The following MTM1 variants were observed in gnomAD, a reference collection of about 807,000 sequenced individuals.
MTM1 encodes myotubularin 1, also known as myotubularin.
In MTM1, 9 loss-of-function variants were observed where a neutral mutation model predicts 52.1. The ratio of observed to expected loss-of-function variants is 0.17; its 90% CI spans 0.10 to 0.30. The LOEUF (loss-of-function observed/expected upper bound fraction) is 0.30, where lower values mean the gene tolerates loss of function less well. Ranked by LOEUF, MTM1 falls within the 10% of genes least tolerant of loss-of-function variation. The pLI, the probability that MTM1 is intolerant of heterozygous loss-of-function variation, is 1.00. For missense variants in MTM1, 277 were observed against 470.7 expected (o/e 0.59, Z 3.81); for synonymous variants, 136 against 163.8 (o/e 0.83, Z 1.29).
intron 10 of MTM1, among the ~76,000 whole-genome samples, chrX:150,653,572 C>A (rs1443500945): frequency 2.7e-5 from 3 of 112,332 alleles, no homozygotes; most frequent in Non-Finnish European, 5.6e-5. Flanking sequence ...TATCTTATAG[C>A]CCTGGGTCTG....
rs782234944 is a variant in MTM1, at chrX:150,660,398, C to A, written c.1381C>A (p.Gln461Lys). ...CCCTACAGCTTTTGAATTCAATGAA[C>A]AATTTTTGATTATAATTTTGGATCA... is the stretch of plus-strand genomic sequence containing the variant. The part of the protein sequence containing the change: ...QFPTAFEFNE[Q>K]FLIIILDHLY... The change falls in exon 13 of 15, where the codon CAA (glutamine) becomes AAA (lysine). Residue 461 changes from glutamine (Q) to lysine (K), a missense_variant. This residue lies in a region of MTM1 where 59 missense variants were observed against 107.8 expected (regional missense o/e 0.55). Coordinates refer to ENST00000370396, the MANE Select transcript of MTM1 (RefSeq NM_000252.3). 1 of 1,197,854 alleles carries A rather than the reference C, an allele frequency of 8.3e-7. No homozygotes were observed. The highest frequency in any genetic ancestry group is 3.0e-5 in the East Asian group (1 of 33,774).
Position 150,576,318 on chromosome X carries a change from C to CT in MTM1, c.-11+7657dup, listed in dbSNP as rs1226251380. On this transcript the variant is annotated intron_variant, in intron 1 of 14. Coordinates refer to ENST00000370396, the MANE Select transcript of MTM1 (RefSeq NM_000252.3). ...TGCTAGAACTTGCACATGGAGCTGC[C>CT]TGGGGCCTGGAAGATTATAAACTAC... 3.6e-5 allele frequency among the ~76,000 whole-genome samples: 4 copies of CT among 111,386 alleles called. No homozygotes were observed. The Admixed American group carries it at 3.8e-4, about 11-fold the overall frequency.
chrX:150,654,009 T>C (rs1374531219), intron 10 of MTM1, among the ~76,000 whole-genome samples: 3 of 111,505 alleles, frequency 2.7e-5, no homozygotes, highest in African/African-American at 9.8e-5. Flanking sequence ...GCACGAGATA[T>C]CAAAAGTGGA....
intron 1 of MTM1, among the ~76,000 whole-genome samples, chrX:150,585,250 C>T (rs1877560907): frequency 9.0e-6 from 1 of 111,571 alleles, no homozygotes; most frequent in African/African-American, 3.3e-5. Flanking sequence ...TTATCTCCAA[C>T]CTTTTCTCCT....
chrX:150,670,464 G>A (rs1412110098), intron 14 of MTM1, among the ~76,000 whole-genome samples: 2 of 112,491 alleles, frequency 1.8e-5, no homozygotes, highest in Non-Finnish European at 3.8e-5. Context: ...GCGGAGCATT[G>A]CAGAGCCGCT....
intron 4 of MTM1, among the ~76,000 whole-genome samples, chrX:150,613,894 G>A (rs782464886): frequency 3.6e-5 from 4 of 112,286 alleles, no homozygotes; most frequent in Non-Finnish European, 7.5e-5. Context: ...GCCTTGCTGT[G>A]CATTAAGGCC....
intron 4 of MTM1, 76 bp from the exon 5 acceptor site, chrX:150,614,513 G>A: frequency 4.9e-6 from 3 of 613,045 alleles, no homozygotes; most frequent in Non-Finnish European, 5.4e-6. Flanking sequence ...GAAAGCATAT[G>A]GTTGTTTTTA....
At chrX:150,627,042 A>G (rs2039580988) in intron 6 of MTM1, among the ~76,000 whole-genome samples, 1 of 111,274 alleles carries the variant, frequency 9.0e-6, no homozygotes, top group Non-Finnish European at 1.9e-5. Flanking sequence ...GTCCTCTGGA[A>G]CTGACATTTC....
chrX:150,658,851 T>A (rs1284018451), intron 11 of MTM1, among the ~76,000 whole-genome samples: 1 of 111,607 alleles, frequency 9.0e-6, no homozygotes, highest in Non-Finnish European at 1.9e-5. Context: ...GCTTGTTTGT[T>A]TGTTTGTTTG....
chrX:150,574,393 T>G (rs1003852994), intron 1 of MTM1, among the ~76,000 whole-genome samples: 1 of 110,961 alleles, frequency 9.0e-6, no homozygotes, highest in Non-Finnish European at 1.9e-5. Flanking sequence ...TGAATGTGAA[T>G]TTTAATGAGG....
intron 5 of MTM1, among the ~76,000 whole-genome samples, chrX:150,616,092 C>A (rs1292901010): frequency 9.0e-6 from 1 of 111,244 alleles, no homozygotes; most frequent in Non-Finnish European, 1.9e-5. Context: ...CTATTTTCTG[C>A]CTTATAATAG....
chrX:150,617,804 C>T (rs1557413174), intron 5 of MTM1, among the ~76,000 whole-genome samples: 2 of 111,601 alleles, frequency 1.8e-5, no homozygotes, highest in Non-Finnish European at 3.8e-5. Context: ...AGGTCTGTAC[C>T]GCTCCTGAAG....
At chrX:150,636,523 G>A (rs182437660) in intron 6 of MTM1, among the ~76,000 whole-genome samples, 125 of 112,119 alleles carry the variant, frequency 1.1e-3, no homozygotes, top group African/African-American at 3.6e-3. Context: ...TGGAAGGAAA[G>A]CTTTATCTGG....
chrX:150,589,493 TA>T (rs1344025951), intron 1 of MTM1, among the ~76,000 whole-genome samples: 1 of 111,924 alleles, frequency 8.9e-6, no homozygotes, highest in African/African-American at 3.2e-5. Flanking sequence ...ATAAAAAGGA[TA>T]AAAAAACTTG....
intron 14 of MTM1, among the ~76,000 whole-genome samples, chrX:150,671,129 C>T (rs1410087388): frequency 7.2e-5 from 8 of 111,219 alleles, no homozygotes; most frequent in Admixed American, 6.7e-4. Flanking sequence ...GGACGGGCAA[C>T]ACGGGAGACT....
At chrX:150,585,324 C>T (rs781789401) in intron 1 of MTM1, among the ~76,000 whole-genome samples, 1 of 111,709 alleles carries the variant, frequency 9.0e-6, no homozygotes, top group African/African-American at 3.3e-5. Context: ...CCCTCCTCCA[C>T]TACTGATTCT....
chrX:150,601,425 C>T (rs1451124610), intron 4 of MTM1, among the ~76,000 whole-genome samples: 1 of 112,211 alleles, frequency 8.9e-6, no homozygotes, highest in Non-Finnish European at 1.9e-5. Flanking sequence ...GATTCTGCTG[C>T]AAACTGAAAA....
chrX:150,605,262 T>G (rs1205326761), intron 4 of MTM1, among the ~76,000 whole-genome samples: 1 of 111,830 alleles, frequency 8.9e-6, no homozygotes, highest in Non-Finnish European at 1.9e-5. Flanking sequence ...ATAGGAAATG[T>G]GGAGGAAGCT....
chrX:150,583,459 A>T (rs868922876), intron 1 of MTM1, among the ~76,000 whole-genome samples: 14 of 27,046 alleles, frequency 5.2e-4, no homozygotes, highest in Non-Finnish European at 8.2e-4. Flanking sequence ...ATTATATATA[A>T]TTATAAATAT....
Sources: allele counts gnomAD v4.1 joint callset (sites outside exome capture counted in the v4.1 genomes callset), GRCh38; gene constraint gnomAD v4.1.1; regional missense constraint gnomAD v4.1.1; transcripts MANE v1.5; gene names NCBI Gene and HGNC (gene_info 2026-07-23, HGNC 2026-07-21).